The following PSD3 variants were observed in gnomAD, a reference collection of about 807,000 sequenced individuals.
PSD3 encodes the protein PH and SEC7 domain-containing protein 3.
In PSD3, 49 loss-of-function variants were observed where a neutral mutation model predicts 105.5. That is an observed-to-expected ratio of 0.46 (90% CI 0.37 to 0.59). The LOEUF is 0.59. Among genes scored for constraint, PSD3 ranks in the 20% least tolerant of loss-of-function variants. The pLI is 0.00. For missense variants in PSD3, 1,561 were observed against 1,263.8 expected, an observed-to-expected ratio of 1.24 and a Z score of -3.57; for synonymous variants, 557 against 457.8, an observed-to-expected ratio of 1.22 and a Z score of -2.77.
chr8:18,909,969 G>T (rs1294284624), intron 2 of PSD3, among the ~76,000 whole-genome samples: 1 of 152,180 alleles, frequency 6.6e-6, no homozygotes, highest in South Asian at 2.1e-4. Context: ...AAAGTGGCAG[G>T]CTGGTGCCCA....
At chr8:18,626,250 T>TA (rs1224269546) in intron 11 of PSD3, among the ~76,000 whole-genome samples, 10 of 148,046 alleles carry the variant, frequency 6.8e-5, no homozygotes, top group South Asian at 2.1e-4. Context: ...TAAAGTTAAT[T>TA]AAAAAAAAAA....
At chr8:18,828,768 C>T (rs1002120191) in intron 4 of PSD3, among the ~76,000 whole-genome samples, 7 of 152,002 alleles carry the variant, frequency 4.6e-5, no homozygotes, top group African/African-American at 1.7e-4. Flanking sequence ...TGAGATCAGC[C>T]TGGCCAACAT....
chr8:18,877,801 C>A (rs554815962), intron 2 of PSD3, among the ~76,000 whole-genome samples: 70 of 151,990 alleles, frequency 4.6e-4, no homozygotes, highest in Non-Finnish European at 8.4e-4. Flanking sequence ...CCTCAGCCTT[C>A]CAGTGTCAGG....
chr8:18,534,982 C>T lies in PSD3; in HGVS notation c.*761G>A, dbSNP rs148432348. 1 of 152,718 alleles carries T rather than the reference C, an allele frequency of 6.5e-6. No individual in the cohort carries two copies. The highest frequency in any genetic ancestry group is 1.5e-5 in the Non-Finnish European group (1 of 68,042). 9.5% of individuals were successfully genotyped at this position (152,718 alleles called of 1,614,324 possible). The stretch of plus-strand genomic sequence containing the variant: ...GCAGCTCCTCAAGGGCCGATTATTG[C>T]CCCCATCCTTTAGCAAACAAAATTA... On this transcript the variant is annotated 3_prime_UTR_variant, in exon 16 of 16. Transcript: ENST00000327040.
intron 4 of PSD3, among the ~76,000 whole-genome samples, chr8:18,806,424 G>C (rs1334063426): frequency 6.6e-6 from 1 of 152,196 alleles, no homozygotes; most frequent in Non-Finnish European, 1.5e-5. Flanking sequence ...CAGGTATAGA[G>C]GGTTCTCTTG....
In PSD3 at chr8:18,809,470, T is replaced by C. The variant is rs529641087; in HGVS notation, c.1635-4572A>G. Among the ~76,000 whole-genome samples the C allele has an allele frequency of 6.1e-4, 93 of 152,300 alleles. No individual in the cohort carries two copies. In the Middle Eastern group the frequency reaches 0.024, roughly 39 times the overall value. ...ACAACCTTTTGAATCATACTAAGAT[T>C]GGCAGATTTTCCAAATAAAAATAGG... On this transcript the variant is annotated intron_variant, in intron 4 of 15. Coordinates refer to ENST00000327040, the MANE Select transcript of PSD3 (RefSeq NM_015310.4).
chr8:18,817,785 A>C (rs60533913), intron 4 of PSD3, among the ~76,000 whole-genome samples: 2,158 of 152,320 alleles, frequency 0.014, 56 homozygotes, highest in African/African-American at 0.049. Flanking sequence ...CAGATCTTTT[A>C]ATGCTTATCC....
intron 12 of PSD3, among the ~76,000 whole-genome samples, chr8:18,596,162 C>A (rs1299155007): frequency 6.7e-6 from 1 of 150,240 alleles, no homozygotes; most frequent in East Asian, 1.9e-4. Context: ...ATCAATGGGT[C>A]AAAAAAAAAT....
chr8:18,630,869 T>C (rs1173899746), intron 11 of PSD3, among the ~76,000 whole-genome samples: 1 of 151,680 alleles, frequency 6.6e-6, no homozygotes, highest in Non-Finnish European at 1.5e-5. Context: ...GTATTAGATA[T>C]TATAAGTAAT....
intron 1 of PSD3, among the ~76,000 whole-genome samples, chr8:19,052,949 T>C (rs1463915336): frequency 6.6e-6 from 1 of 152,064 alleles, no homozygotes. Flanking sequence ...CTACTGACAA[T>C]GACAAATTCC....
At chr8:18,737,802 T>C (rs545128005) in intron 9 of PSD3, among the ~76,000 whole-genome samples, 1 of 152,136 alleles carries the variant, frequency 6.6e-6, no homozygotes, top group Non-Finnish European at 1.5e-5. Context: ...GTAGAAAATA[T>C]ACACAAAACT....
At chr8:18,743,226 C>G (rs544527817) in intron 9 of PSD3, among the ~76,000 whole-genome samples, 1 of 152,212 alleles carries the variant, frequency 6.6e-6, no homozygotes, top group South Asian at 2.1e-4. Context: ...TTAATATGTA[C>G]AAGGGACAAT....
intron 4 of PSD3, among the ~76,000 whole-genome samples, chr8:18,858,079 G>A (rs556627382): frequency 1.3e-5 from 2 of 152,070 alleles, no homozygotes; most frequent in Admixed American, 6.5e-5. Flanking sequence ...AAAAATGAAG[G>A]CTCTGCTAAC....
intron 2 of PSD3, among the ~76,000 whole-genome samples, chr8:18,914,668 C>T (rs1471718031): frequency 6.6e-6 from 1 of 152,050 alleles, no homozygotes; most frequent in East Asian, 1.9e-4. Flanking sequence ...GAGTGAATGA[C>T]CTATACAATG....
intron 15 of PSD3, 51 bp from the exon 16 acceptor site, chr8:18,536,009 A>T (rs903209467): frequency 1.3e-6 from 2 of 1,538,804 alleles, no homozygotes; most frequent in African/African-American, 2.7e-5. Context: ...TTCAAAATGC[A>T]CGTGTGCAGC....
At chr8:18,620,846 A>G (rs1167117918) in intron 11 of PSD3, among the ~76,000 whole-genome samples, 1 of 152,212 alleles carries the variant, frequency 6.6e-6, no homozygotes, top group Non-Finnish European at 1.5e-5. Flanking sequence ...TTAATTTCAA[A>G]TTTTCATCAG....
chr8:18,558,902 T>C (rs149516046), intron 14 of PSD3, among the ~76,000 whole-genome samples: 4 of 152,196 alleles, frequency 2.6e-5, no homozygotes, highest in African/African-American at 9.7e-5. Context: ...GGCTTTCTTT[T>C]GTAATTTTTT....
chr8:18,548,719 T>C (rs1321367415), intron 15 of PSD3, among the ~76,000 whole-genome samples: 1 of 152,310 alleles, frequency 6.6e-6, no homozygotes, highest in East Asian at 1.9e-4. Context: ...AGTTTGCACT[T>C]GCTATCTGCA....
intron 15 of PSD3, among the ~76,000 whole-genome samples, chr8:18,541,643 G>GTA (rs1249310532): frequency 6.6e-6 from 1 of 152,100 alleles, no homozygotes; most frequent in Non-Finnish European, 1.5e-5. Flanking sequence ...GTGCACTGAG[G>GTA]TATAGCCTGC....
Sources: gnomAD v4.1 joint callset for allele counts (sites outside exome capture counted in the v4.1 genomes callset) on GRCh38, gnomAD v4.1.1 for gene constraint, MANE v1.5 for transcripts, NCBI Gene and HGNC (gene_info 2026-07-23, HGNC 2026-07-21) for gene names.